EXO1: variants seen among roughly 807,000 people sequenced by gnomAD.
EXO1 encodes exonuclease 1.
EXO1 carries 69 observed loss-of-function variants against 84.5 expected under a neutral mutation model. The ratio of observed to expected loss-of-function variants is 0.82; its 90% CI spans 0.67 to 1.00. EXO1 has a LOEUF of 1.00. Among genes scored for constraint, EXO1 ranks in the 50% least tolerant of loss-of-function variants. The pLI is 0.00. For synonymous variants in EXO1, 373 were observed against 366.1 expected, an observed-to-expected ratio of 1.02 and a Z score of -0.21; for missense variants, 1,045 against 1,000.7, an observed-to-expected ratio of 1.04 and a Z score of -0.60.
chr1:241,879,820 C>A (rs893967491), intron 13 of EXO1, among the ~76,000 whole-genome samples: 1 of 152,002 alleles, frequency 6.6e-6, no homozygotes, highest in Non-Finnish European at 1.5e-5. Flanking sequence ...GCCTGGCCAG[C>A]ATGGTGAAAC....
At chr1:241,885,208 A>G in intron 14 of EXO1, 106 bp from the exon 15 acceptor site, 1 of 511,068 alleles carries the variant, frequency 2.0e-6, no homozygotes, top group Non-Finnish European at 2.9e-6. Flanking sequence ...GTCCATCTCA[A>G]AAAGTAAATA....
intron 14 of EXO1, among the ~76,000 whole-genome samples, 197 bp downstream of exon 14, chr1:241,882,214 G>A (rs986745111): frequency 6.6e-6 from 1 of 152,096 alleles, no homozygotes; most frequent in Non-Finnish European, 1.5e-5. Context: ...GTATATGAAA[G>A]ATCACTTTCC....
intron 14 of EXO1, among the ~76,000 whole-genome samples, chr1:241,883,328 G>T (rs1662874726): frequency 6.6e-6 from 1 of 152,196 alleles, no homozygotes; most frequent in Non-Finnish European, 1.5e-5. Context: ...ATTTCTCACA[G>T]TTCTAGAGGC....
rs1352846548 is a variant in EXO1 at position 241,857,418 on chromosome 1, A to G, written c.479A>G (p.Lys160Arg). 1.2e-5 allele frequency: 19 copies of G among 1,613,902 alleles called. No homozygotes were observed. The highest frequency in any genetic ancestry group is 1.5e-5 in the Non-Finnish European group (18 of 1,179,962). ...GATGCGCAGTTGGCCTATCTTAACA[A>G]AGCGGGAATTGTGCAAGCCATAATT... ...EADAQLAYLNKAGIVQAIITE... is the reference protein window; with the variant it reads ...EADAQLAYLNRAGIVQAIITE... Residue 160 changes from lysine to arginine, a missense_variant, in exon 7 of 16, where the codon AAA becomes AGA. Lys to Arg is a conservative substitution (Grantham distance 26, BLOSUM62 2). Coordinates refer to ENST00000366548, the MANE Select transcript of EXO1 (RefSeq NM_130398.4).
In EXO1 at chr1:241,858,738, T is replaced by C. The variant is rs1661208077; in HGVS notation, c.756+20T>C. On this transcript the variant is annotated intron_variant, in intron 8 of 15. Coordinates refer to ENST00000366548, the MANE Select transcript of EXO1 (RefSeq NM_130398.4). ...GTAAAGGTAAGAGTGATTTGCTAAG[T>C]GTCATATTCAATTTCTGAAGCATTT... The C allele has an allele frequency of 6.8e-7, 1 of 1,464,250 alleles. No homozygotes were observed. Among genetic ancestry groups the C allele is most frequent in the African/African-American group, 1.4e-5 (1 of 72,042 alleles). 90.7% of individuals were successfully genotyped at this position (1,464,250 alleles called of 1,614,324 possible). A position where few individuals can be genotyped will look rare whatever the true frequency, so the allele number is the denominator to read the frequency against.
intron 6 of EXO1, among the ~76,000 whole-genome samples, chr1:241,856,091 C>G (rs1052437082): frequency 6.6e-6 from 1 of 152,106 alleles, no homozygotes; most frequent in Non-Finnish European, 1.5e-5. Context: ...GAGGAGGCGC[C>G]GAGAGCGAGG....
At chr1:241,850,630 G>T in intron 4 of EXO1, 44 bp downstream of exon 4, 1 of 1,519,424 alleles carries the variant, frequency 6.6e-7, no homozygotes, top group Non-Finnish European at 9.1e-7. Context: ...TTAAGAATGA[G>T]ACCTACAGTG....
In EXO1 at chr1:241,849,184, G is replaced by A. The variant is rs966420169; in HGVS notation, c.-50G>A. On this transcript the variant is annotated 5_prime_UTR_variant, in exon 3 of 16. Coordinates refer to ENST00000366548, the MANE Select transcript of EXO1 (RefSeq NM_130398.4). Reference sequence around the variant, plus strand: ...CTGAAATTTGAGAACTGCTGGACCAGAGCCTTTAGAGCTCTGATAAGGTGT... The same window carrying A: ...CTGAAATTTGAGAACTGCTGGACCAAAGCCTTTAGAGCTCTGATAAGGTGT... 2 of 152,250 alleles carry A rather than the reference G, an allele frequency of 1.3e-5. No homozygotes were observed. Among genetic ancestry groups the A allele is most frequent in the Non-Finnish European group, 2.9e-5 (2 of 68,048 alleles). 9.4% of individuals were successfully genotyped at this position (152,250 alleles called of 1,614,324 possible). A position where few individuals can be genotyped will look rare whatever the true frequency, so the allele number is the denominator to read the frequency against.
intron 6 of EXO1, among the ~76,000 whole-genome samples, chr1:241,855,677 G>C (rs2995540): frequency 0.51 from 78,085 of 152,128 alleles, 20,372 homozygotes; most frequent in East Asian, 0.71. Flanking sequence ...GCCCACGGAG[G>C]GGGTGGGAGG....
chr1:241,879,721 G>A (rs1662633629), intron 13 of EXO1, among the ~76,000 whole-genome samples: 1 of 152,152 alleles, frequency 6.6e-6, no homozygotes, highest in African/African-American at 2.4e-5. Flanking sequence ...GACCTTGTAA[G>A]GGGCCAGGTG....
At chr1:241,866,793 C>A in intron 10 of EXO1, 37 bp from the exon 11 acceptor site, 1 of 1,409,590 alleles carries the variant, frequency 7.1e-7, no homozygotes, top group Non-Finnish European at 1.0e-6. Flanking sequence ...TGATTATTTT[C>A]TTTCTGCAAA....
In EXO1 at chr1:241,851,440, T is replaced by C. The variant is rs540983817; in HGVS notation, c.162-852T>C. 3.9e-5 allele frequency among the ~76,000 whole-genome samples: 6 copies of C among 152,344 alleles called. No homozygotes were observed. The East Asian group carries it at 7.7e-4, about 20-fold the overall frequency. On this transcript the variant is annotated intron_variant, in intron 4 of 15. Coordinates refer to ENST00000366548, the MANE Select transcript of EXO1 (RefSeq NM_130398.4). Reference sequence around the variant, plus strand: ...CATATTTAAAAGGTCATCTTTTTTTTCTTTATTTTAGCTGCTAAGTTTGCG... The same window carrying C: ...CATATTTAAAAGGTCATCTTTTTTTCCTTTATTTTAGCTGCTAAGTTTGCG...
chr1:241,866,496 A>G (rs1291495687), intron 10 of EXO1, among the ~76,000 whole-genome samples: 7 of 148,136 alleles, frequency 4.7e-5, no homozygotes, highest in Non-Finnish European at 7.5e-5. Context: ...TATTACGAAG[A>G]TTTTTATTTA....
rs750986662 is a variant in EXO1 at position 241,858,682 on chromosome 1, A to G, written c.720A>G (p.Lys240=). Residue 240 remains lysine, a synonymous_variant, in exon 8 of 16, where the codon AAA becomes AAG. Transcript: ENST00000366548. ...GGATTGGATTAGCAAAGGCATGCAA[A>G]GTCCTAAGACTAGCCAATAATCCAG... ...LRGIGLAKAC[K]VLRLANNPDI... is the part of the protein sequence containing the mutation. The G allele has an allele frequency of 6.2e-7, 1 of 1,614,010 alleles. No homozygotes were observed.
At chr1:241,855,045 G>T (rs1660893215) in intron 6 of EXO1, among the ~76,000 whole-genome samples, 3 of 152,202 alleles carry the variant, frequency 2.0e-5, no homozygotes, top group Admixed American at 1.3e-4. Flanking sequence ...AAGCAGCGTG[G>T]ACCCAAAGAG....
chr1:241,849,358 C>T (rs2073490), intron 3 of EXO1, 142 bp downstream of exon 3: 24,758 of 152,038 alleles, frequency 0.16, 2,473 homozygotes, highest in South Asian at 0.24. Context: ...GGGGGGAGGT[C>T]GTTTCATCAG....
Position 241,871,961 on chromosome 1 carries a change from A to G in EXO1, c.1268-71A>G, listed in dbSNP as rs138638093. 4,246 of 1,218,802 alleles carry G rather than the reference A, an allele frequency of 3.5e-3. 27 individuals carry two copies. In the Middle Eastern group the frequency reaches 0.035, roughly 10 times the overall value. The allele number at this position is 1,218,802 out of a possible 1,614,324, so 75.5% of individuals were successfully genotyped here. Reference sequence around the variant, plus strand: ...CTTATTTTTAGGACAATGGGATATAAACTGAAGTTAAGGCCAAATCTCTAA... The same window carrying G: ...CTTATTTTTAGGACAATGGGATATAGACTGAAGTTAAGGCCAAATCTCTAA... On this transcript the variant is annotated intron_variant, in intron 11 of 15. Coordinates refer to ENST00000366548, the MANE Select transcript of EXO1 (RefSeq NM_130398.4).
chr1:241,852,710 G>A (rs1409959336), intron 5 of EXO1, among the ~76,000 whole-genome samples: 2 of 152,204 alleles, frequency 1.3e-5, no homozygotes, highest in Non-Finnish European at 2.9e-5. Context: ...AGTCTAGAGT[G>A]CAGTGGTATA....
intron 10 of EXO1, among the ~76,000 whole-genome samples, 157 bp from the exon 11 acceptor site, chr1:241,866,673 G>C (rs1371137185): frequency 6.6e-6 from 1 of 150,596 alleles, no homozygotes; most frequent in African/African-American, 2.4e-5. Context: ...TATAGGACCA[G>C]CAAAGTAGGA....
Sources: gnomAD v4.1 joint callset for allele counts (sites outside exome capture counted in the v4.1 genomes callset) on GRCh38, gnomAD v4.1.1 for gene constraint, MANE v1.5 for transcripts, NCBI Gene and HGNC (gene_info 2026-07-23, HGNC 2026-07-21) for gene names.